TJP1: variants seen among roughly 807,000 people sequenced by gnomAD.
The protein encoded by TJP1 is tight junction protein ZO-1.
In TJP1, 43 loss-of-function variants were observed where a neutral mutation model predicts 194.2. The ratio of observed to expected loss-of-function variants is 0.22; its 90% CI spans 0.17 to 0.29. The LOEUF is 0.29. TJP1 is among the 10% of genes least tolerant of loss of function. The probability of loss-of-function intolerance (pLI) is 1.00; values close to 1 mark genes in which losing one functional copy is unlikely to be tolerated. For synonymous variants in TJP1, 801 were observed against 779.0 expected, an observed-to-expected ratio of 1.03 and a Z score of -0.47; for missense variants, 1,971 against 2,185.7, an observed-to-expected ratio of 0.90 and a Z score of 1.96.
chr15:29,734,304 C>A lies in TJP1; in HGVS notation c.1486G>T (p.Val496Leu). 1 of 1,612,568 alleles carries A rather than the reference C, an allele frequency of 6.2e-7. No individual in the cohort carries two copies. Among genetic ancestry groups the A allele is most frequent in the Non-Finnish European group, 8.5e-7 (1 of 1,179,582 alleles). The change falls in exon 12 of 28, where the codon GTG (valine) becomes TTG (leucine). Residue 496 changes from valine to leucine, a missense_variant. By Grantham distance (32) the Val-to-Leu change is conservative (BLOSUM62 1). Coordinates refer to ENST00000614355, the MANE Select transcript of TJP1 (RefSeq NM_001330239.4). ...TTCTTCTTCTGAGCCAATATGGTCA[C>A]TTCTTCTCCTTTAGGGAGGTCAAGC... ...FLLDLPKGEE[V>L]TILAQKKKDV...
intron 1 of TJP1, among the ~76,000 whole-genome samples, chr15:29,811,908 G>A (rs1453796598): frequency 6.6e-6 from 1 of 152,008 alleles, no homozygotes; most frequent in Non-Finnish European, 1.5e-5. Flanking sequence ...TAATCTACAG[G>A]CCAACCTTTG....
intron 16 of TJP1, 34 bp from the exon 17 acceptor site, chr15:29,727,025 C>T (rs1280076626): frequency 6.3e-7 from 1 of 1,580,322 alleles, no homozygotes; most frequent in Non-Finnish European, 8.7e-7. Context: ...TACAAAGACA[C>T]AAGACATCAT....
At chr15:29,774,923 C>G (rs74971194) in intron 2 of TJP1, among the ~76,000 whole-genome samples, 3 of 152,154 alleles carry the variant, frequency 2.0e-5, no homozygotes, top group Non-Finnish European at 2.9e-5. Flanking sequence ...CCCTTATCCT[C>G]GGTTTCATGT....
chr15:29,936,895 C>T (rs776140774), intron 2 of TJP1, among the ~76,000 whole-genome samples: 10 of 152,114 alleles, frequency 6.6e-5, no homozygotes, highest in Non-Finnish European at 1.3e-4. Flanking sequence ...CTACACAGCT[C>T]GGCGCGTTTA....
At chr15:29,745,317 A>AAAGC (rs397784364) in intron 8 of TJP1, among the ~76,000 whole-genome samples, 12 of 150,540 alleles carry the variant, frequency 8.0e-5, no homozygotes, top group African/African-American at 3.0e-4. Context: ...AAAAAAAAAA[A>AAAGC]CTTAATGAAT....
At chr15:29,802,867 A>G (rs1167295070) in intron 1 of TJP1, among the ~76,000 whole-genome samples, 3 of 152,184 alleles carry the variant, frequency 2.0e-5, no homozygotes, top group Non-Finnish European at 2.9e-5. Context: ...AAGTGATGTG[A>G]TAACATGCAC....
chr15:29,731,079 CT>C (rs202239834), intron 15 of TJP1: 204,513 of 571,314 alleles, frequency 0.36, 5,365 homozygotes, highest in South Asian at 0.41. Flanking sequence ...TTTTGTTTTA[CT>C]TTTTTTTTTT....
chr15:29,794,025 T>C lies in TJP1; in HGVS notation c.84+6621A>G, dbSNP rs117040186. Among the ~76,000 whole-genome samples the C allele has an allele frequency of 4.8e-3, 724 of 152,336 alleles. 30 individuals carry two copies. The East Asian group carries it at 0.095, about 20-fold the overall frequency. On this transcript the variant is annotated intron_variant, in intron 2 of 27. Transcript: ENST00000614355. ...AATGAATTTGGAAGTATTCTCTTCT[T>C]AGCTTTTGTGATATAATTCTTCTTT...
intron 2 of TJP1, among the ~76,000 whole-genome samples, chr15:29,861,343 G>A (rs563928623): frequency 6.6e-6 from 1 of 152,156 alleles, no homozygotes; most frequent in Admixed American, 6.5e-5. Flanking sequence ...AGCCATCTTA[G>A]TGGACGTAAA....
chr15:29,831,338 C>G (rs1447404241), intron 2 of TJP1, among the ~76,000 whole-genome samples: 1 of 152,200 alleles, frequency 6.6e-6, no homozygotes, highest in African/African-American at 2.4e-5. Flanking sequence ...ATCTTAGCAT[C>G]ACTGAAGGCA....
At chr15:29,887,543 C>T (rs1250665817) in intron 2 of TJP1, among the ~76,000 whole-genome samples, 9 of 151,904 alleles carry the variant, frequency 5.9e-5, no homozygotes, top group East Asian at 1.9e-4. Flanking sequence ...TCAGATGATC[C>T]GCCCACCTCG....
intron 23 of TJP1, among the ~76,000 whole-genome samples, chr15:29,711,469 G>GATTC (rs2042239810): frequency 6.6e-6 from 1 of 152,142 alleles, no homozygotes; most frequent in African/African-American, 2.4e-5. Context: ...AGGCTCAAGT[G>GATTC]ATTCTTCTGC....
At position 29,898,730 on chromosome 15, in the gene TJP1, C is replaced by T. The variant is rs4589499; in HGVS notation, c.306+57502G>A. On this transcript the variant is annotated intron_variant, in intron 2 of 28. Transcript: ENST00000356107. ...TTTTGGATTTCAGATTTTCAGATTA[C>T]GGATGCTCTACCTGTTAGGTATCTG... 5.3e-3 allele frequency among the ~76,000 whole-genome samples: 814 copies of T among 152,252 alleles called. 5 individuals carry two copies. The highest frequency in any genetic ancestry group is 0.015 in the Admixed American group (233 of 15,304).
intron 23 of TJP1, among the ~76,000 whole-genome samples, chr15:29,713,414 T>C (rs2042361790): frequency 6.6e-6 from 1 of 152,236 alleles, no homozygotes; most frequent in East Asian, 1.9e-4. Flanking sequence ...CTGGGTAATA[T>C]CTGCTTGCTT....
In TJP1 at chr15:29,726,376, T is replaced by C. The variant is rs2043238262; in HGVS notation, c.2412+3A>G. ...GTCAAAAAAGTAATAGGAAATGTCT[T>C]ACCTTTCCCTCGGAAACCCATACCA... On this transcript the variant is annotated splice_donor_region_variant and intron_variant, in intron 18 of 27. Transcript: ENST00000614355. 6 of 1,612,114 alleles carry C rather than the reference T, an allele frequency of 3.7e-6. No homozygotes were observed. The highest frequency in any genetic ancestry group is 1.7e-5 in the Admixed American group (1 of 59,962).
intron 2 of TJP1, among the ~76,000 whole-genome samples, chr15:29,775,992 T>C (rs181194678): frequency 6.6e-6 from 1 of 152,284 alleles, no homozygotes; most frequent in East Asian, 1.9e-4. Flanking sequence ...GTACAATATA[T>C]TGTTTCAGAA....
chr15:29,772,083 CT>C lies in TJP1; in HGVS notation c.292del (p.Ser98ValfsTer19). On this transcript the variant is annotated frameshift_variant, in exon 4 of 28. Transcript: ENST00000614355. LOFTEE classifies it high-confidence loss of function. Reference protein sequence around the residue: ...HAFAVQQLRKSGKNAKITIRR... With the variant: ...HAFAVQQLRKXGKNAKITIRR... ...ACTTACAATTTTTGCATTTTTCCCA[CT>C]TTTCCTTAGTTGCTGAACAGCAAAA... 6.3e-7 allele frequency: 1 copy of C among 1,598,358 alleles called. No individual in the cohort carries two copies. Among genetic ancestry groups the C allele is most frequent in the Non-Finnish European group, 8.5e-7 (1 of 1,174,382 alleles).
upstream of TJP1, chr15:29,822,497 A>C: frequency 3.0e-6 from 3 of 984,154 alleles, no homozygotes; most frequent in Non-Finnish European, 3.6e-6. Flanking sequence ...CCCACTGAGC[A>C]TGCCCGGCCC....
chr15:29,909,879 G>A (rs1033665352), intron 2 of TJP1, among the ~76,000 whole-genome samples: 2 of 152,138 alleles, frequency 1.3e-5, no homozygotes, highest in African/African-American at 2.4e-5. Context: ...CCATCCATCA[G>A]TTAAGTTGTT....
Sources: allele counts gnomAD v4.1 joint callset (sites outside exome capture counted in the v4.1 genomes callset), GRCh38; gene constraint gnomAD v4.1.1; transcripts MANE v1.5; gene names NCBI Gene and HGNC (gene_info 2026-07-23, HGNC 2026-07-21).